GRM7: variants seen among roughly 807,000 people sequenced by gnomAD.
GRM7 encodes the protein metabotropic glutamate receptor 7.
A neutral mutation model predicts 84.5 loss-of-function variants in GRM7; 35 were observed. The ratio of observed to expected loss-of-function variants is 0.41; its 90% CI spans 0.32 to 0.55. GRM7 has a LOEUF of 0.55. GRM7 is among the 20% of genes least tolerant of loss of function. GRM7 has a pLI of 0.19. For missense variants in GRM7, 1,003 were observed against 1,194.6 expected (o/e 0.84, Z 2.36); for synonymous variants, 487 against 455.1 (o/e 1.07, Z -0.89).
chr3:7,588,744 G>A (rs1464480336), intron 8 of GRM7, among the ~76,000 whole-genome samples: 1 of 152,216 alleles, frequency 6.6e-6, no homozygotes, highest in Non-Finnish European at 1.5e-5. Flanking sequence ...CACTCAGTAA[G>A]TCATCGGTAG....
chr3:7,616,451 G>T lies in GRM7; in HGVS notation c.2451+37094G>T, dbSNP rs572584882. On this transcript the variant is annotated intron_variant, in intron 8 of 9. Coordinates refer to ENST00000357716, the MANE Select transcript of GRM7 (RefSeq NM_000844.4). ...GTCTGGTCCAACTAATATTTAGATG[G>T]TTTCACTCACTGCTCAAAACTTTCC... Among the ~76,000 whole-genome samples the T allele has an allele frequency of 1.3e-3, 196 of 152,130 alleles. 4 individuals are homozygous for T. The South Asian group carries it at 0.038, about 30-fold the overall frequency.
chr3:7,370,162 T>A (rs1224817458), intron 4 of GRM7, among the ~76,000 whole-genome samples: 1 of 152,214 alleles, frequency 6.6e-6, no homozygotes, highest in African/African-American at 2.4e-5. Context: ...AAAGGTTTTT[T>A]TGGGTATCTG....
intron 9 of GRM7, among the ~76,000 whole-genome samples, chr3:7,690,187 A>C (rs1466647207): frequency 6.6e-6 from 1 of 152,142 alleles, no homozygotes; most frequent in Non-Finnish European, 1.5e-5. Context: ...GTTTTCGGGA[A>C]TGAAATGCAG....
intron 4 of GRM7, among the ~76,000 whole-genome samples, chr3:7,331,931 G>A (rs997546194): frequency 1.1e-4 from 17 of 152,166 alleles, no homozygotes; most frequent in Admixed American, 2.0e-4. Flanking sequence ...TATATTGAGC[G>A]TGTCTGGAAA....
chr3:7,075,546 T>TG (rs1698041916), intron 1 of GRM7, among the ~76,000 whole-genome samples: 1 of 90,686 alleles, frequency 1.1e-5, no homozygotes, highest in Admixed American at 1.0e-4. Context: ...GTGTGTGTGT[T>TG]TGGAGATGGA....
chr3:7,270,744 T>C (rs905781619), intron 2 of GRM7, among the ~76,000 whole-genome samples: 2 of 152,186 alleles, frequency 1.3e-5, no homozygotes, highest in Non-Finnish European at 2.9e-5. Flanking sequence ...ATGACTTTAT[T>C]AATCAAAAGT....
At position 7,285,297 on chromosome 3, in the gene GRM7, A is replaced by G. The variant is rs1437507754; in HGVS notation, c.737-13387A>G. ...ATTATTATTATATGATTAAGATAAAAGGCAGATGGCTTTTAGTTATTTCTT... is the reference window on the plus strand; with the variant it reads ...ATTATTATTATATGATTAAGATAAAGGGCAGATGGCTTTTAGTTATTTCTT... On this transcript the variant is annotated intron_variant, in intron 2 of 9. Transcript: ENST00000357716. Among the ~76,000 whole-genome samples the G allele has an allele frequency of 2.0e-5, 3 of 152,206 alleles. No homozygotes were observed. The East Asian group carries it at 5.8e-4, about 29-fold the overall frequency.
chr3:7,002,960 A>G (rs559083896), intron 1 of GRM7, among the ~76,000 whole-genome samples: 1 of 152,308 alleles, frequency 6.6e-6, no homozygotes, highest in East Asian at 1.9e-4. Flanking sequence ...CCTAGATAAT[A>G]TTGTGCTAAG....
Position 7,612,300 on chromosome 3 carries a change from C to T in GRM7, c.2451+32943C>T, listed in dbSNP as rs191230014. 5.3e-5 allele frequency among the ~76,000 whole-genome samples: 8 copies of T among 152,260 alleles called. No individual in the cohort carries two copies. In the South Asian group the frequency reaches 1.5e-3, roughly 28 times the overall value. On this transcript the variant is annotated intron_variant, in intron 8 of 9. Transcript: ENST00000357716. ...GTGTGGCAACAATAGTAACTACTTCCTGGAGTTTATGTTCAGAATTAAATT... is the reference window on the plus strand; with the variant it reads ...GTGTGGCAACAATAGTAACTACTTCTTGGAGTTTATGTTCAGAATTAAATT...
At chr3:6,899,832 C>G (rs902156360) in intron 1 of GRM7, among the ~76,000 whole-genome samples, 1 of 152,026 alleles carries the variant, frequency 6.6e-6, no homozygotes, top group Non-Finnish European at 1.5e-5. Context: ...CAGAGGTGAG[C>G]AAAGAGAACA....
intron 1 of GRM7, among the ~76,000 whole-genome samples, chr3:7,100,668 G>C (rs1448619981): frequency 6.6e-6 from 1 of 151,718 alleles, no homozygotes; most frequent in African/African-American, 2.4e-5. Flanking sequence ...GAAATGCTCA[G>C]ATTTTAAGAG....
At position 7,691,786 on chromosome 3, in the gene GRM7, G is replaced by A. The variant is rs1040834136; in HGVS notation, c.2698+11491G>A. 2.6e-5 allele frequency among the ~76,000 whole-genome samples: 4 copies of A among 151,914 alleles called. No homozygotes were observed. The South Asian group carries it at 6.2e-4, about 24-fold the overall frequency. ...AGTGATTCTCCTGCCTCAGCCTCCC[G>A]AGTAGCTGGGATTACAGGCATGTGC... On this transcript the variant is annotated intron_variant, in intron 9 of 9. Transcript: ENST00000357716.
At chr3:6,945,910 GT>G (rs1698060653) in intron 1 of GRM7, among the ~76,000 whole-genome samples, 1 of 152,054 alleles carries the variant, frequency 6.6e-6, no homozygotes, top group Non-Finnish European at 1.5e-5. Flanking sequence ...TGGTGGGGTT[GT>G]TTTTTTCTTG....
chr3:6,993,969 G>A (rs1466339626), intron 1 of GRM7, among the ~76,000 whole-genome samples: 1 of 152,178 alleles, frequency 6.6e-6, no homozygotes, highest in Non-Finnish European at 1.5e-5. Context: ...GGACTCAACT[G>A]CATAGAGATC....
At chr3:7,737,733 T>C (rs1310197400) in intron 9 of GRM7, among the ~76,000 whole-genome samples, 2 of 152,176 alleles carry the variant, frequency 1.3e-5, no homozygotes, top group Non-Finnish European at 2.9e-5. Context: ...ATCATTTGCA[T>C]AGAACTCTGT....
chr3:7,068,330 G>A (rs951555369), intron 1 of GRM7, among the ~76,000 whole-genome samples: 1 of 151,990 alleles, frequency 6.6e-6, no homozygotes, highest in Admixed American at 6.6e-5. Context: ...TATAAATAGG[G>A]TAATGATGTC....
intron 9 of GRM7, among the ~76,000 whole-genome samples, chr3:7,723,082 C>T (rs1376881290): frequency 1.3e-5 from 2 of 152,156 alleles, no homozygotes; most frequent in African/African-American, 4.8e-5. Flanking sequence ...ATGTTTGCTT[C>T]ATCTATACCT....
intron 1 of GRM7, among the ~76,000 whole-genome samples, chr3:7,035,680 C>A (rs1270462589): frequency 1.3e-5 from 2 of 152,126 alleles, no homozygotes; most frequent in Non-Finnish European, 2.9e-5. Flanking sequence ...CCCAGAGTTA[C>A]CTTCTCAGCC....
chr3:7,282,194 C>G (rs1699276233), intron 2 of GRM7, among the ~76,000 whole-genome samples: 1 of 152,190 alleles, frequency 6.6e-6, no homozygotes, highest in Admixed American at 6.5e-5. Context: ...CAAGATGTAT[C>G]TTGAAACAGC....
Sources: gnomAD v4.1 joint callset for allele counts (sites outside exome capture counted in the v4.1 genomes callset) on GRCh38, gnomAD v4.1.1 for gene constraint, MANE v1.5 for transcripts, NCBI Gene and HGNC (gene_info 2026-07-23, HGNC 2026-07-21) for gene names.